Variants in PRG4 observed in about 807,000 individuals in gnomAD.
PRG4 encodes the protein articular superficial zone protein.
A neutral mutation model predicts 91.2 loss-of-function variants in PRG4; 61 were observed. That is an observed-to-expected ratio of 0.67 (90% confidence interval 0.54 to 0.83). PRG4 has a LOEUF of 0.83. Ranked by LOEUF, PRG4 falls within the 40% of genes least tolerant of loss-of-function variation. The probability of loss-of-function intolerance (pLI) is 0.00; values close to 1 mark genes in which losing one functional copy is unlikely to be tolerated. For missense variants in PRG4, 1,564 were observed against 1,714.2 expected (o/e 0.91, Z 1.55); for synonymous variants, 576 against 614.2 (o/e 0.94, Z 0.92).
Position 186,307,991 on chromosome 1 carries a change from G to A in PRG4, c.2272G>A (p.Ala758Thr), listed in dbSNP as rs1301701271. 1.9e-6 allele frequency: 3 copies of A among 1,605,822 alleles called. No individual in the cohort carries two copies. The African/African-American group carries it at 4.1e-5, about 22-fold the overall frequency. The change falls in exon 7 of 13, where the codon GCT becomes ACT. Residue 758 changes from alanine to threonine, a missense_variant. Physicochemically the swap from Ala to Thr is moderately conservative, Grantham distance 58. Around this residue, in one of 3 missense-constraint regions of PRG4, gnomAD observed 1,079 missense variants for 1,162.2 expected, o/e 0.93. Coordinates refer to ENST00000445192, the MANE Select transcript of PRG4 (RefSeq NM_005807.6). ...CGCTCCAACTACCCCTAAGGGGACT[G>A]CTCCAACTACCCCTAAGGAGCCTGC... The part of the protein sequence containing the change: ...KPAPTTPKGT[A>T]PTTPKEPAPT...
Position 186,308,286 on chromosome 1 carries a change from A to G in PRG4, c.2567A>G (p.Glu856Gly). ...GAGACACCTCCTCCAACCACTTCAG[A>G]GGTCTCTACTCCAACTACCACCAAG... ...TPETPPPTTS[E>G]VSTPTTTKEP... The change falls in exon 7 of 13, where the codon GAG becomes GGG. Residue 856 changes from glutamate (E) to glycine (G), a missense_variant. Around this residue, in one of 3 missense-constraint regions of PRG4, gnomAD observed 1,079 missense variants for 1,162.2 expected, o/e 0.93. Transcript: ENST00000445192. 1 of 1,613,980 alleles carries G rather than the reference A, an allele frequency of 6.2e-7. No homozygotes were observed. The highest frequency in any genetic ancestry group is 8.5e-7 in the Non-Finnish European group (1 of 1,180,020).
intron 10 of PRG4, 66 bp from the exon 11 acceptor site, chr1:186,312,109 T>A (rs534046993): frequency 7.0e-7 from 1 of 1,428,878 alleles, no homozygotes; most frequent in Non-Finnish European, 9.8e-7. Flanking sequence ...AAAAGTTGTT[T>A]TCCACCTTTT....
Position 186,314,299 on chromosome 1 carries a change from T to A in PRG4, c.*521T>A. 2.5e-6 allele frequency: 1 copy of A among 399,966 alleles called. No individual in the cohort carries two copies. Among genetic ancestry groups the A allele is most frequent in the Non-Finnish European group, 4.4e-6 (1 of 225,936 alleles). 24.8% of individuals were successfully genotyped at this position (399,966 alleles called of 1,614,324 possible). On this transcript the variant is annotated 3_prime_UTR_variant, in exon 13 of 13. Transcript: ENST00000445192. ...AATCACAAAGCTTTATCGTGTTGTA[T>A]AAAAAAATTAACAATATAATGGCAA...
Position 186,306,749 on chromosome 1 carries a change from C to T in PRG4, c.1030C>T (p.Leu344Phe). 1 of 1,613,648 alleles carries T rather than the reference C, an allele frequency of 6.2e-7. No individual in the cohort carries two copies. Among genetic ancestry groups the T allele is most frequent in the Non-Finnish European group, 8.5e-7 (1 of 1,179,770 alleles). ...TGAAACTACAACCAAAGGCCCTGCT[C>T]TCACCACTCCCAAGGAGCCCACGCC... ...KAETTTKGPA[L>F]TTPKEPTPTT... Residue 344 changes from leucine to phenylalanine, a missense_variant, in exon 7 of 13, where the codon CTC becomes TTC. Leu to Phe is a conservative substitution (Grantham distance 22). Transcript: ENST00000445192.
chr1:186,301,590 A>G lies in PRG4; in HGVS notation c.200-2A>G. 3 of 1,613,914 alleles carry G rather than the reference A, an allele frequency of 1.9e-6. No homozygotes were observed. Among genetic ancestry groups the G allele is most frequent in the Non-Finnish European group, 2.5e-6 (3 of 1,179,862 alleles). ...TGTAACTTCTTGTTTTGCTCTGGGT[A>G]GAGCTTTCCTGTAAAGGCCGCTGCT... On this transcript the variant is annotated splice_acceptor_variant, in intron 3 of 12. Coordinates refer to ENST00000445192, the MANE Select transcript of PRG4 (RefSeq NM_005807.6). LOFTEE classifies it high-confidence loss of function.
chr1:186,306,526 T>C lies in PRG4; in HGVS notation c.807T>C (p.Asp269=), dbSNP rs369538986. ...GACCCAGTCTTCCACCTAATTCTGA[T>C]ACATCTAAAGAGACGTCTTTGACAG... ...NPRPSLPPNS[D]TSKETSLTVN... is the part of the protein sequence containing the mutation. The change falls in exon 7 of 13, where the codon GAT becomes GAC. Residue 269 remains aspartate (D), a synonymous_variant. Transcript: ENST00000445192. The C allele has an allele frequency of 3.9e-4, 622 of 1,612,952 alleles. No individual in the cohort carries two copies. The highest frequency in any genetic ancestry group is 4.8e-4 in the Non-Finnish European group (571 of 1,179,226).
intron 11 of PRG4, 60 bp downstream of exon 11, chr1:186,312,432 T>C (rs1411003466): frequency 6.9e-7 from 1 of 1,449,784 alleles, no homozygotes; most frequent in Non-Finnish European, 9.4e-7. Flanking sequence ...TACAGTTTCT[T>C]ATACAGTAAG....
At position 186,314,079 on chromosome 1, in the gene PRG4, A is replaced by T. The variant is rs553069068; in HGVS notation, c.*301A>T. The stretch of plus-strand genomic sequence containing the variant: ...ATATATCTTTTAAGAATTCAAAACT[A>T]GTGTATTCACTTACCCTAGTTCATT... On this transcript the variant is annotated 3_prime_UTR_variant, in exon 13 of 13. Coordinates refer to ENST00000445192, the MANE Select transcript of PRG4 (RefSeq NM_005807.6). The T allele has an allele frequency of 3.3e-4, 504 of 1,533,328 alleles. 1 individual carries two copies. The highest frequency in any genetic ancestry group is 3.6e-4 in the East Asian group (16 of 44,376). The allele number at this position is 1,533,328 out of a possible 1,614,324, so 95.0% of individuals were successfully genotyped here.
chr1:186,310,007 C>A lies in PRG4; in HGVS notation c.3499+137C>A, dbSNP rs533292650. On this transcript the variant is annotated intron_variant, in intron 8 of 12. Transcript: ENST00000445192. The stretch of plus-strand genomic sequence containing the variant: ...TGATAAGCACACCTCACAGGAGAAT[C>A]CGAGAGTAATAACAGAAATATTGGA... The A allele has an allele frequency of 3.4e-4, 246 of 732,338 alleles. 5 individuals are homozygous for A. Among genetic ancestry groups the A allele is most frequent in the South Asian group, 2.4e-3 (161 of 67,906 alleles). 45.4% of individuals were successfully genotyped at this position (732,338 alleles called of 1,614,324 possible). A position where few individuals can be genotyped will look rare whatever the true frequency, so the allele number is the denominator to read the frequency against.
At chr1:186,309,233 G>A in intron 7 of PRG4, 93 bp downstream of exon 7, 23 of 1,264,112 alleles carry the variant, frequency 1.8e-5, no homozygotes, top group Non-Finnish European at 2.4e-5. Context: ...TCACTCAACT[G>A]AGATATATTA....
intron 11 of PRG4, 44 bp from the exon 12 acceptor site, chr1:186,312,725 T>C (rs1657362446): frequency 6.3e-7 from 1 of 1,596,082 alleles, no homozygotes; most frequent in Non-Finnish European, 8.6e-7. Flanking sequence ...AGATAGTACA[T>C]TGCCTTTTAA....
rs200807993 is a variant in PRG4, at chr1:186,308,739, C to T, written c.3020C>T (p.Pro1007Leu). 5 of 1,613,792 alleles carry T rather than the reference C, an allele frequency of 3.1e-6. No individual in the cohort carries two copies. The Admixed American group carries it at 6.7e-5, about 22-fold the overall frequency. The change falls in exon 7 of 13, where the codon CCA becomes CTA. Residue 1007 changes from proline to leucine, a missense_variant. Pro to Leu is a moderately conservative substitution (Grantham distance 98, BLOSUM62 -3). This residue lies in a region of PRG4 where 1,079 missense variants were observed against 1,162.2 expected (regional missense o/e 0.93). Transcript: ENST00000445192. ...IMNKPEETAK[P>L]KDRATNSKAT... is the part of the protein sequence containing the mutation. Reference sequence around the variant, plus strand: ...AACAAACCTGAAGAAACAGCTAAACCAAAAGACAGAGCTACTAATTCTAAA... The same window carrying T: ...AACAAACCTGAAGAAACAGCTAAACTAAAAGACAGAGCTACTAATTCTAAA...
chr1:186,314,527 G>C lies in PRG4; in HGVS notation c.*749G>C. 1 of 838,200 alleles carries C rather than the reference G, an allele frequency of 1.2e-6. No individual in the cohort carries two copies. Among genetic ancestry groups the C allele is most frequent in the Non-Finnish European group, 1.8e-6 (1 of 564,276 alleles). 51.9% of individuals were successfully genotyped at this position (838,200 alleles called of 1,614,324 possible). On this transcript the variant is annotated 3_prime_UTR_variant, in exon 13 of 13. Transcript: ENST00000445192. Reference sequence around the variant, plus strand: ...CATGTAATTATTTAATAAAACTTTGGAACATTAAAAAAATAAATTGGAGGC... The same window carrying C: ...CATGTAATTATTTAATAAAACTTTGCAACATTAAAAAAATAAATTGGAGGC...
chr1:186,310,515 C>T (rs1002400476), intron 8 of PRG4, among the ~76,000 whole-genome samples: 1 of 152,104 alleles, frequency 6.6e-6, no homozygotes, highest in Non-Finnish European at 1.5e-5. Flanking sequence ...CCGGATCTCC[C>T]TCTGTCACCC....
Position 186,313,670 on chromosome 1 carries a change from C to T in PRG4, c.4118-11C>T, listed in dbSNP as rs1369557966. On this transcript the variant is annotated splice_polypyrimidine_tract_variant and intron_variant, in intron 12 of 12. Transcript: ENST00000445192. ...CTTTTTAACTAAAAAAATGTTTTCT[C>T]TTCCATTTAGATCAATACTATAACA... 4.6e-6 allele frequency: 7 copies of T among 1,536,352 alleles called. No individual in the cohort carries two copies. The East Asian group carries it at 9.0e-5, about 20-fold the overall frequency.
Position 186,314,056 on chromosome 1 carries a change from ATATCTTT to A in PRG4, c.*281_*287del. The A allele has an allele frequency of 6.3e-7, 1 of 1,595,788 alleles. No homozygotes were observed. On this transcript the variant is annotated 3_prime_UTR_variant, in exon 13 of 13. Coordinates refer to ENST00000445192, the MANE Select transcript of PRG4 (RefSeq NM_005807.6). ...AAAAGAAAAAAGAATCAAATTGAAT[ATATCTTT>A]TAAGAATTCAAAACTAGTGTATTCA...
rs776889793 is a variant in PRG4, at chr1:186,313,821, A to G, written c.*43A>G. ...GAGTCAACTAATGAAGAAATGAATA[A>G]TAAATTTTGACACTGAAAAACATTT... On this transcript the variant is annotated 3_prime_UTR_variant, in exon 13 of 13. Coordinates refer to ENST00000445192, the MANE Select transcript of PRG4 (RefSeq NM_005807.6). The G allele has an allele frequency of 3.3e-6, 5 of 1,521,336 alleles. No homozygotes were observed. The Admixed American group carries it at 8.4e-5, about 25-fold the overall frequency. The allele number at this position is 1,521,336 out of a possible 1,614,324, so 94.2% of individuals were successfully genotyped here.
Position 186,308,811 on chromosome 1 carries a change from C to T in PRG4, c.3092C>T (p.Pro1031Leu). 2 of 1,613,790 alleles carry T rather than the reference C, an allele frequency of 1.2e-6. No individual in the cohort carries two copies. The highest frequency in any genetic ancestry group is 1.7e-6 in the Non-Finnish European group (2 of 1,179,940). ...AAGCCAACCAAAGCACCCAAAAAAC[C>T]CACTTCTACCAAAAAGCCAAAAACA... is the stretch of plus-strand genomic sequence containing the variant. ...PQKPTKAPKK[P>L]TSTKKPKTMP... Residue 1031 changes from proline to leucine, a missense_variant, in exon 7 of 13, where the codon CCC (proline) becomes CTC (leucine). Physicochemically the swap from Pro to Leu is moderately conservative, Grantham distance 98. Around this residue, in one of 3 missense-constraint regions of PRG4, gnomAD observed 1,079 missense variants for 1,162.2 expected, o/e 0.93. Coordinates refer to ENST00000445192, the MANE Select transcript of PRG4 (RefSeq NM_005807.6).
Position 186,308,221 on chromosome 1 carries a change from T to C in PRG4, c.2502T>C (p.Pro834=), listed in dbSNP as rs753847010. Residue 834 remains proline (P), a synonymous_variant, in exon 7 of 13, where the codon CCT becomes CCC. Transcript: ENST00000445192. ...KETAPTTPKE[P]APTTPKKPAP... is the part of the protein sequence containing the mutation. ...CTGCTCCAACTACCCCCAAGGAGCC[T>C]GCACCCACTACCCCCAAGAAGCCTG... is the stretch of plus-strand genomic sequence containing the variant. 2 of 1,613,182 alleles carry C rather than the reference T, an allele frequency of 1.2e-6. No individual in the cohort carries two copies. Among genetic ancestry groups the C allele is most frequent in the African/African-American group, 1.3e-5 (1 of 74,764 alleles).
Sources: allele counts gnomAD v4.1 joint callset (sites outside exome capture counted in the v4.1 genomes callset), GRCh38; gene constraint gnomAD v4.1.1; regional missense constraint gnomAD v4.1.1; transcripts MANE v1.5; gene names NCBI Gene and HGNC (gene_info 2026-07-23, HGNC 2026-07-21).